Variants in ORC5 observed in about 807,000 individuals in gnomAD.
ORC5 encodes origin recognition complex subunit 5.
In ORC5, 39 loss-of-function variants were observed where a neutral mutation model predicts 58.8. The observed-to-expected ratio is 0.66, with a 90% CI of 0.51 to 0.87. The LOEUF is 0.87. Among genes scored for constraint, ORC5 ranks in the 40% least tolerant of loss-of-function variants. The pLI is 0.00. For missense variants in ORC5, 493 were observed against 506.3 expected (o/e 0.97, Z 0.25); for synonymous variants, 218 against 177.6 (o/e 1.23, Z -1.81).
chr7:104,170,060 G>C (rs1799183533), intron 8 of ORC5, among the ~76,000 whole-genome samples: 1 of 152,148 alleles, frequency 6.6e-6, no homozygotes, highest in African/African-American at 2.4e-5. Context: ...AGCCTTGATA[G>C]TTCAATGACA....
rs1475745694 is a variant in ORC5 at position 104,138,645 on chromosome 7, G to A, written c.1150-1752C>T. ...CCCACAGCAGCCTCCTGAGTAGCTG[G>A]TACTATAGGCACATGCCACCACACC... On this transcript the variant is annotated intron_variant, in intron 12 of 13. Coordinates refer to ENST00000297431, the MANE Select transcript of ORC5 (RefSeq NM_002553.4). The surrounding 1 kb of genome is among the most constrained non-coding windows in gnomAD (Gnocchi z 4.7). 1.3e-5 allele frequency among the ~76,000 whole-genome samples: 2 copies of A among 151,956 alleles called. No homozygotes were observed. The highest frequency in any genetic ancestry group is 2.9e-5 in the Non-Finnish European group (2 of 68,000).
chr7:104,161,071 C>T lies in ORC5; in HGVS notation c.1149+1G>A. The T allele has an allele frequency of 5.5e-6, 8 of 1,460,902 alleles. No homozygotes were observed. The highest frequency in any genetic ancestry group is 2.3e-5 in the East Asian group (1 of 43,950). The allele number at this position is 1,460,902 out of a possible 1,614,324, so 90.5% of individuals were successfully genotyped here. A position where few individuals can be genotyped will look rare whatever the true frequency, so the allele number is the denominator to read the frequency against. On this transcript the variant is annotated splice_donor_variant, in intron 12 of 13. Coordinates refer to ENST00000297431, the MANE Select transcript of ORC5 (RefSeq NM_002553.4). LOFTEE classifies it high-confidence loss of function. Reference sequence around the variant, plus strand: ...AGATAATAATCTATGATTAAGCTTACCTGGGAAAAAATATTTGCTGTTGGA... The same window carrying T: ...AGATAATAATCTATGATTAAGCTTATCTGGGAAAAAATATTTGCTGTTGGA...
At chr7:104,158,838 G>A (rs1798973929) in intron 12 of ORC5, among the ~76,000 whole-genome samples, 1 of 151,908 alleles carries the variant, frequency 6.6e-6, no homozygotes, top group Non-Finnish European at 1.5e-5. Flanking sequence ...ACAGGTGCTG[G>A]AGAGGATGTG....
intron 11 of ORC5, among the ~76,000 whole-genome samples, chr7:104,163,825 AT>A (rs1421023305): frequency 6.6e-6 from 1 of 152,200 alleles, no homozygotes; most frequent in Non-Finnish European, 1.5e-5. Context: ...TAGCTAGTCT[AT>A]CCTAATATTA....
chr7:104,177,101 G>A (rs1197739992), intron 8 of ORC5, among the ~76,000 whole-genome samples: 3 of 152,160 alleles, frequency 2.0e-5, no homozygotes, highest in Non-Finnish European at 2.9e-5. Flanking sequence ...TGATTAACAT[G>A]GAAATAGCTT....
intron 8 of ORC5, among the ~76,000 whole-genome samples, chr7:104,168,829 C>T (rs1365903675): frequency 6.6e-6 from 1 of 152,162 alleles, no homozygotes; most frequent in Non-Finnish European, 1.5e-5. Context: ...TGCCTGTAAT[C>T]CCAGCACTTT....
intron 2 of ORC5, among the ~76,000 whole-genome samples, chr7:104,202,207 A>G (rs1285648720): frequency 6.6e-6 from 1 of 152,258 alleles, no homozygotes; most frequent in Non-Finnish European, 1.5e-5. Context: ...AATACAGTCT[A>G]TCCTCAAAAT....
chr7:104,149,173 T>G (rs951676661), intron 12 of ORC5, among the ~76,000 whole-genome samples: 2 of 152,150 alleles, frequency 1.3e-5, no homozygotes, highest in East Asian at 3.8e-4. Flanking sequence ...TACAGAAACA[T>G]TCACAACTAC....
At chr7:104,150,319 A>AT (rs1798823931) in intron 12 of ORC5, among the ~76,000 whole-genome samples, 1 of 152,180 alleles carries the variant, frequency 6.6e-6, no homozygotes, top group African/African-American at 2.4e-5. Context: ...AATTATTTAA[A>AT]TAAATGAACT....
chr7:104,132,001 A>C (rs1265207820), intron 13 of ORC5, among the ~76,000 whole-genome samples: 1 of 152,222 alleles, frequency 6.6e-6, no homozygotes, highest in East Asian at 1.9e-4. Flanking sequence ...CCCAAAGCCT[A>C]CCACAGTGTT....
chr7:104,139,459 C>T (rs1388221400), intron 12 of ORC5, among the ~76,000 whole-genome samples: 1 of 152,194 alleles, frequency 6.6e-6, no homozygotes, highest in East Asian at 1.9e-4. Flanking sequence ...TATTACATTT[C>T]CCATTACCAT....
Position 104,205,927 on chromosome 7 carries a change from G to A in ORC5, c.73-1693C>T, listed in dbSNP as rs138210794. 4.8e-3 allele frequency among the ~76,000 whole-genome samples: 727 copies of A among 152,288 alleles called. 8 individuals carry two copies. Among genetic ancestry groups the A allele is most frequent in the African/African-American group, 0.016 (683 of 41,552 alleles). On this transcript the variant is annotated intron_variant, in intron 1 of 13. Transcript: ENST00000297431. ...GGAGGCTGAGGTGGGCGGACTGCTT[G>A]AGCCTGGGAGGCAGAGACTGCAGTG...
intron 12 of ORC5, among the ~76,000 whole-genome samples, chr7:104,145,447 AAAT>A (rs1231596716): frequency 6.6e-6 from 1 of 152,200 alleles, no homozygotes; most frequent in Non-Finnish European, 1.5e-5. Flanking sequence ...AAAGCTCTCT[AAAT>A]AATAATGGTA....
intron 2 of ORC5, chr7:104,202,657 G>A (rs903711313): frequency 3.1e-5 from 11 of 355,808 alleles, no homozygotes; most frequent in African/African-American, 2.4e-4. Context: ...TCCTTACTGG[G>A]TTTTATTGCT....
chr7:104,143,179 CA>C (rs754959490), intron 12 of ORC5, among the ~76,000 whole-genome samples: 56 of 151,914 alleles, frequency 3.7e-4, no homozygotes, highest in Non-Finnish European at 6.2e-4. Flanking sequence ...CAGAAGAAAA[CA>C]TTAATTACCC....
chr7:104,182,623 A>T (rs1054129179), intron 8 of ORC5, among the ~76,000 whole-genome samples: 1 of 152,082 alleles, frequency 6.6e-6, no homozygotes, highest in East Asian at 1.9e-4. Context: ...ACCCGAATAA[A>T]TTCCTCTGGA....
chr7:104,188,458 G>T, intron 5 of ORC5, 77 bp from the exon 6 acceptor site: 3 of 1,121,112 alleles, frequency 2.7e-6, no homozygotes, highest in Non-Finnish European at 2.5e-6. Context: ...TTATAACAAA[G>T]GTATTAAAAA....
At chr7:104,172,766 T>C (rs896906919) in intron 8 of ORC5, among the ~76,000 whole-genome samples, 2 of 152,190 alleles carry the variant, frequency 1.3e-5, no homozygotes, top group Non-Finnish European at 2.9e-5. Flanking sequence ...CGGCAGACAA[T>C]GGCTGAGCTG....
chr7:104,202,362 C>A, intron 2 of ORC5: 1 of 225,812 alleles, frequency 4.4e-6, no homozygotes, highest in Non-Finnish European at 9.3e-6. Flanking sequence ...GTCACTAAAG[C>A]CACATTAAAC....
Sources: gnomAD v4.1 joint callset for allele counts (sites outside exome capture counted in the v4.1 genomes callset) on GRCh38, gnomAD v4.1.1 for gene constraint, Gnocchi (gnomAD v3.1) non-coding constraint, MANE v1.5 for transcripts, NCBI Gene and HGNC (gene_info 2026-07-23, HGNC 2026-07-21) for gene names.